Variants in HS3ST4 observed in about 807,000 individuals in gnomAD.
HS3ST4 encodes the protein heparan sulfate glucosamine 3-O-sulfotransferase 4.
In HS3ST4, 17 loss-of-function variants were observed where a neutral mutation model predicts 29.2. That is an observed-to-expected ratio of 0.58 (90% CI 0.40 to 0.87). The LOEUF is 0.87. Ranked by LOEUF, HS3ST4 falls within the 40% of genes least tolerant of loss-of-function variation. The probability of loss-of-function intolerance (pLI) is 0.00; values close to 1 mark genes in which losing one functional copy is unlikely to be tolerated. For missense variants in HS3ST4, 627 were observed against 634.5 expected (o/e 0.99, Z 0.13); for synonymous variants, 314 against 285.7 (o/e 1.10, Z -1.00).
chr16:25,857,968 C>CTTTCTTTCTTTCTTTCTT (rs1567257216), intron 1 of HS3ST4, among the ~76,000 whole-genome samples: 4 of 50,774 alleles, frequency 7.9e-5, no homozygotes, highest in African/African-American at 1.2e-4. Flanking sequence ...TTCTTTCTTT[C>CTTTCTTTCTTTCTTTCTT]TTTCTCTTTT....
intron 1 of HS3ST4, among the ~76,000 whole-genome samples, chr16:25,947,771 A>G (rs1968643811): frequency 1.3e-5 from 2 of 152,254 alleles, no homozygotes; most frequent in South Asian, 4.1e-4. Context: ...ACATCATAGT[A>G]TATGTGGGTG....
At chr16:25,878,673 TTATCTC>T (rs1967859889) in intron 1 of HS3ST4, among the ~76,000 whole-genome samples, 1 of 152,144 alleles carries the variant, frequency 6.6e-6, no homozygotes, top group East Asian at 1.9e-4. Context: ...GACCTTGTGT[TTATCTC>T]TGTTAAATTT....
At chr16:25,763,929 C>T (rs113003377) in intron 1 of HS3ST4, among the ~76,000 whole-genome samples, 1 of 152,080 alleles carries the variant, frequency 6.6e-6, no homozygotes, top group Non-Finnish European at 1.5e-5. Flanking sequence ...GCCTGGAGAT[C>T]AGTTAAAAAC....
intron 1 of HS3ST4, among the ~76,000 whole-genome samples, chr16:25,756,791 A>G (rs1966761142): frequency 6.6e-6 from 1 of 152,200 alleles, no homozygotes; most frequent in Admixed American, 6.5e-5. Context: ...TAAAAAAATA[A>G]AAGACCTAAC....
intron 1 of HS3ST4, among the ~76,000 whole-genome samples, chr16:25,754,089 A>G (rs939753223): frequency 6.6e-6 from 1 of 152,168 alleles, no homozygotes; most frequent in African/African-American, 2.4e-5. Context: ...TTTTCTGAGG[A>G]AGTTTTATCT....
intron 1 of HS3ST4, among the ~76,000 whole-genome samples, chr16:25,842,484 T>A (rs148497975): frequency 3.0e-4 from 45 of 152,354 alleles, no homozygotes; most frequent in East Asian, 2.5e-3. Flanking sequence ...CGGACTGTGA[T>A]GTTTTGGAAG....
At chr16:25,845,548 A>G (rs189409168) in intron 1 of HS3ST4, among the ~76,000 whole-genome samples, 43 of 152,134 alleles carry the variant, frequency 2.8e-4, no homozygotes, top group African/African-American at 9.9e-4. Flanking sequence ...AGAAGAGGAA[A>G]TGCTGGGTCA....
At chr16:25,798,371 G>C (rs1375167952) in intron 1 of HS3ST4, among the ~76,000 whole-genome samples, 3 of 152,138 alleles carry the variant, frequency 2.0e-5, no homozygotes, top group African/African-American at 7.2e-5. Context: ...TTTATGTTGG[G>C]TCAGCTGTAC....
intron 1 of HS3ST4, among the ~76,000 whole-genome samples, chr16:25,739,366 CA>C (rs1279089936): frequency 6.6e-6 from 1 of 151,896 alleles, no homozygotes; most frequent in Non-Finnish European, 1.5e-5. Context: ...CAAAAGCAAA[CA>C]AATAAACGAA....
chr16:26,023,096 T>G (rs1969431113), intron 1 of HS3ST4, among the ~76,000 whole-genome samples: 1 of 152,190 alleles, frequency 6.6e-6, no homozygotes, highest in African/African-American at 2.4e-5. Context: ...GTACATACCA[T>G]TTGCTATTTC....
At chr16:26,012,675 A>G (rs1969321281) in intron 1 of HS3ST4, among the ~76,000 whole-genome samples, 1 of 152,184 alleles carries the variant, frequency 6.6e-6, no homozygotes, top group Non-Finnish European at 1.5e-5. Context: ...CTCTACCCCC[A>G]CATTTCAGAA....
intron 1 of HS3ST4, among the ~76,000 whole-genome samples, chr16:25,718,521 A>G (rs1205624376): frequency 1.3e-5 from 2 of 149,088 alleles, no homozygotes; most frequent in Non-Finnish European, 3.0e-5. Context: ...AGAGAGAGAA[A>G]GAAAGAGAGA....
intron 1 of HS3ST4, among the ~76,000 whole-genome samples, chr16:25,757,400 T>G (rs1455262959): frequency 1.3e-5 from 2 of 152,086 alleles, no homozygotes; most frequent in African/African-American, 4.8e-5. Flanking sequence ...ACACTTCACT[T>G]TATTGCACTT....
At position 25,694,881 on chromosome 16, in the gene HS3ST4, T is replaced by A. The variant is rs1596545848; in HGVS notation, c.734+1730T>A. On this transcript the variant is annotated intron_variant, in intron 1 of 1. Coordinates refer to ENST00000331351, the MANE Select transcript of HS3ST4 (RefSeq NM_006040.3). ...CTGAGGTGTTTGGGTTTGTGGCAGC[T>A]GGAAACAGAGGGCCGGGGGTGTTTT... 2.0e-5 allele frequency among the ~76,000 whole-genome samples: 3 copies of A among 151,468 alleles called. No homozygotes were observed. In the East Asian group the frequency reaches 5.8e-4, roughly 29 times the overall value.
chr16:25,776,433 G>A (rs1367856123), intron 1 of HS3ST4, among the ~76,000 whole-genome samples: 3 of 152,076 alleles, frequency 2.0e-5, no homozygotes, highest in African/African-American at 4.8e-5. Context: ...CCTATGACCT[G>A]GAAGCCACCT....
intron 1 of HS3ST4, among the ~76,000 whole-genome samples, chr16:25,925,741 A>G (rs1002381184): frequency 2.0e-5 from 3 of 152,210 alleles, no homozygotes; most frequent in Non-Finnish European, 4.4e-5. Context: ...CCATTAGCAC[A>G]GGAGATAGAA....
At chr16:25,825,587 T>C (rs1309669599) in intron 1 of HS3ST4, 4 of 152,232 alleles carry the variant, frequency 2.6e-5, no homozygotes, top group Non-Finnish European at 4.4e-5. Context: ...TAGCTCCACA[T>C]TGGTATTCAT....
At chr16:25,871,968 G>A (rs1967758702) in intron 1 of HS3ST4, among the ~76,000 whole-genome samples, 1 of 152,110 alleles carries the variant, frequency 6.6e-6, no homozygotes, top group Non-Finnish European at 1.5e-5. Flanking sequence ...AATGGTGATG[G>A]AGGGTAGTGG....
intron 1 of HS3ST4, among the ~76,000 whole-genome samples, chr16:25,932,953 A>T (rs1347188738): frequency 6.6e-6 from 1 of 152,138 alleles, no homozygotes; most frequent in Non-Finnish European, 1.5e-5. Context: ...ATCATTTTCA[A>T]TTCCTCCCTC....
Sources: allele counts gnomAD v4.1 joint callset (sites outside exome capture counted in the v4.1 genomes callset), GRCh38; gene constraint gnomAD v4.1.1; transcripts MANE v1.5; gene names NCBI Gene and HGNC (gene_info 2026-07-23, HGNC 2026-07-21).